The following FGFR3 variants were observed in gnomAD, a reference collection of about 807,000 sequenced individuals.
FGFR3 encodes FGFR-3.
FGFR3 carries 25 observed loss-of-function variants against 82.9 expected under a neutral mutation model. The observed-to-expected ratio is 0.30, with a 90% CI of 0.22 to 0.42. The LOEUF is 0.42. Ranked by LOEUF, FGFR3 falls within the 10% of genes least tolerant of loss-of-function variation. The pLI is 1.00. For missense variants in FGFR3, 1,026 were observed against 1,161.0 expected (o/e 0.88, Z 1.69); for synonymous variants, 620 against 516.0 (o/e 1.20, Z -2.73).
In FGFR3 at chr4:1,805,778, G is replaced by A. The variant is rs557734169; in HGVS notation, c.1674G>A (p.Ala558=). The change falls in exon 13 of 18, where the codon GCG becomes GCA. Residue 558 remains alanine, a synonymous_variant. Coordinates refer to ENST00000440486, the MANE Select transcript of FGFR3 (RefSeq NM_000142.5). ...CCCTGTACGTGCTGGTGGAGTACGCGGCCAAGGGTAACCTGCGGGAGTTTC... is the reference window on the plus strand; with the variant it reads ...CCCTGTACGTGCTGGTGGAGTACGCAGCCAAGGGTAACCTGCGGGAGTTTC... ...GGPLYVLVEY[A]AKGNLREFLR... 2.7e-5 allele frequency: 43 copies of A among 1,612,478 alleles called. No individual in the cohort carries two copies. The highest frequency in any genetic ancestry group is 7.7e-5 in the South Asian group (7 of 91,062).
intron 2 of FGFR3, 142 bp from the exon 3 acceptor site, chr4:1,799,112 G>A (rs1720877808): frequency 3.3e-6 from 4 of 1,196,042 alleles, no homozygotes; most frequent in Non-Finnish European, 4.9e-6. Context: ...TTGGGACACA[G>A]TTTCCAGCCC....
rs371563013 is a variant in FGFR3, at chr4:1,806,283, G to A, written c.1986G>A (p.Ala662=). The A allele has an allele frequency of 6.6e-5, 104 of 1,571,926 alleles. 1 individual carries two copies. Among genetic ancestry groups the A allele is most frequent in the Admixed American group, 8.8e-5 (5 of 57,010 alleles). The part of the protein sequence containing the change: ...TNGRLPVKWM[A]PEALFDRVYT... ...GCCGGCTGCCCGTGAAGTGGATGGCGCCTGAGGCCTTGTTTGACCGAGTCT... is the reference window on the plus strand; with the variant it reads ...GCCGGCTGCCCGTGAAGTGGATGGCACCTGAGGCCTTGTTTGACCGAGTCT... Residue 662 remains alanine (A), a synonymous_variant, in exon 15 of 18, where the codon GCG becomes GCA. Coordinates refer to ENST00000440486, the MANE Select transcript of FGFR3 (RefSeq NM_000142.5).
chr4:1,801,848 C>G lies in FGFR3; in HGVS notation c.753C>G (p.His251Gln), dbSNP rs377554120. The change falls in exon 7 of 18, where the codon CAC becomes CAG. Residue 251 changes from histidine to glutamine, a missense_variant. Around this residue, in one of 9 missense-constraint regions of FGFR3, gnomAD observed 147 missense variants for 228.1 expected, o/e 0.64. Coordinates refer to ENST00000440486, the MANE Select transcript of FGFR3 (RefSeq NM_000142.5). ...CTGCCCCCACAGAGCGCTCCCCGCA[C>G]CGGCCCATCCTGCAGGCGGGGCTGC... ...YTLDVLERSP[H>Q]RPILQAGLPA... is the part of the protein sequence containing the mutation. 7 of 1,607,612 alleles carry G rather than the reference C, an allele frequency of 4.4e-6. No homozygotes were observed. Among genetic ancestry groups the G allele is most frequent in the African/African-American group, 1.3e-5 (1 of 74,800 alleles).
At chr4:1,795,832 G>A (rs1720444914) in intron 2 of FGFR3, among the ~76,000 whole-genome samples, 1 of 152,150 alleles carries the variant, frequency 6.6e-6, no homozygotes, top group African/African-American at 2.4e-5. Flanking sequence ...CGAAGGTGCT[G>A]GCTGCAACCT....
rs1560441825 is a variant in FGFR3, at chr4:1,805,936, A to T, written c.1832A>T (p.Gln611Leu). The T allele has an allele frequency of 6.2e-7, 1 of 1,608,502 alleles. No individual in the cohort carries two copies. Among genetic ancestry groups the T allele is most frequent in the Non-Finnish European group, 8.5e-7 (1 of 1,176,436 alleles). Reference sequence around the variant, plus strand: ...CGGGGCATGGAGTACTTGGCCTCCCAGAAGGTGGGCAGGGCGGCAGGTGTG... The same window carrying T: ...CGGGGCATGGAGTACTTGGCCTCCCTGAAGGTGGGCAGGGCGGCAGGTGTG... ...VARGMEYLAS[Q>L]KCIHRDLAAR... The change falls in exon 13 of 18, where the codon CAG (glutamine) becomes CTG (leucine). Residue 611 changes from glutamine to leucine, a missense_variant. This residue lies in a region of FGFR3 where 164 missense variants were observed against 167.5 expected (regional missense o/e 0.98). Transcript: ENST00000440486.
intron 2 of FGFR3, among the ~76,000 whole-genome samples, chr4:1,799,003 C>T (rs1207175792): frequency 6.6e-6 from 1 of 152,202 alleles, no homozygotes; most frequent in Admixed American, 6.5e-5. Flanking sequence ...GTGGGGTTGG[C>T]TGCAGGTTGT....
intron 2 of FGFR3, among the ~76,000 whole-genome samples, chr4:1,796,786 C>T (rs113286641): frequency 3.9e-5 from 6 of 152,296 alleles, no homozygotes; most frequent in East Asian, 1.9e-4. Flanking sequence ...GGGCAGGGAG[C>T]GCCTCTCACC....
At chr4:1,803,290 A>G (rs1255292719) in intron 7 of FGFR3, 1 of 553,332 alleles carries the variant, frequency 1.8e-6, no homozygotes, top group East Asian at 3.8e-5. Context: ...CCCCCACAGG[A>G]GGTGCCCGGT....
chr4:1,797,564 G>A (rs922779771), intron 2 of FGFR3, among the ~76,000 whole-genome samples: 9 of 152,224 alleles, frequency 5.9e-5, no homozygotes, highest in Non-Finnish European at 1.2e-4. Context: ...GGAACCAACC[G>A]GCTGTTGCCC....
intron 2 of FGFR3, 72 bp downstream of exon 2, chr4:1,794,115 C>T: frequency 2.1e-6 from 2 of 956,020 alleles, no homozygotes; most frequent in African/African-American, 1.7e-5. Context: ...GGGAACCGGC[C>T]CCGGGTCGGA....
chr4:1,794,580 G>C (rs901949195), intron 2 of FGFR3, among the ~76,000 whole-genome samples: 3 of 152,160 alleles, frequency 2.0e-5, no homozygotes, highest in Non-Finnish European at 2.9e-5. Flanking sequence ...TGGGGGCCGA[G>C]GGCGCTTCCC....
rs561036658 is a variant in FGFR3 at position 1,806,764 on chromosome 4, C to G, written c.2169-65C>G. 8 of 1,594,142 alleles carry G rather than the reference C, an allele frequency of 5.0e-6. No individual in the cohort carries two copies. The South Asian group carries it at 7.9e-5, about 16-fold the overall frequency. On this transcript the variant is annotated intron_variant, in intron 16 of 17. Transcript: ENST00000440486. ...GCTGGGCGGGGGAGGGACTGGCAGC[C>G]CTTCAGGCTGTTCCCGAATAAGGCG... is the stretch of plus-strand genomic sequence containing the variant.
At chr4:1,796,998 G>C (rs1720591845) in intron 2 of FGFR3, among the ~76,000 whole-genome samples, 1 of 152,172 alleles carries the variant, frequency 6.6e-6, no homozygotes, top group South Asian at 2.1e-4. Context: ...CACTGTGTGG[G>C]GTTGGGGCGC....
intron 9 of FGFR3, 133 bp from the exon 10 acceptor site, chr4:1,804,691 A>C: frequency 7.0e-7 from 1 of 1,432,922 alleles, no homozygotes. Context: ...GGGGCACGAA[A>C]CATTCTAAAA....
intron 14 of FGFR3, 30 bp from the exon 15 acceptor site, chr4:1,806,227 C>T (rs1323898068): frequency 6.2e-6 from 10 of 1,612,704 alleles, no homozygotes; most frequent in South Asian, 2.2e-5. Flanking sequence ...GGACGCCTGG[C>T]GCCAACACCG....
At position 1,805,974 on chromosome 4, in the gene FGFR3, T is replaced by C. The variant is rs970829154; in HGVS notation, c.1836+34T>C. On this transcript the variant is annotated intron_variant, in intron 13 of 17. Transcript: ENST00000440486. ...GGCGGCAGGTGTGGGTGGAGTAGGC[T>C]GGGCCCTGCCCTGAGATGCTGGGAG... 4 of 1,609,740 alleles carry C rather than the reference T, an allele frequency of 2.5e-6. No individual in the cohort carries two copies. In the African/African-American group the frequency reaches 5.3e-5, roughly 22 times the overall value.
Position 1,804,494 on chromosome 4 carries a change from A to G in FGFR3, c.1240A>G (p.Ile414Val), listed in dbSNP as rs780428794. ...CCTGGGCTCCCCCACCGTGCACAAG[A>G]TCTCCCGCTTCCCGCTCAAGCGACA... ...KGLGSPTVHK[I>V]SRFPLKRQVS... is the part of the protein sequence containing the mutation. Residue 414 changes from isoleucine to valine, a missense_variant, in exon 9 of 18, where the codon ATC becomes GTC. Transcript: ENST00000440486. The G allele has an allele frequency of 1.9e-6, 3 of 1,612,712 alleles. No homozygotes were observed. Among genetic ancestry groups the G allele is most frequent in the South Asian group, 2.2e-5 (2 of 91,066 alleles).
intron 4 of FGFR3, 119 bp downstream of exon 4, chr4:1,799,931 C>G (rs748837975): frequency 5.9e-5 from 67 of 1,145,174 alleles, no homozygotes; most frequent in Middle Eastern, 2.6e-4. Flanking sequence ...TGGGGTCACC[C>G]CGAAGGTCTG....
intron 2 of FGFR3, among the ~76,000 whole-genome samples, chr4:1,795,573 G>T (rs1450994660): frequency 6.6e-6 from 1 of 152,236 alleles, no homozygotes; most frequent in Non-Finnish European, 1.5e-5. Flanking sequence ...TGAGGTCTAG[G>T]CTGGCGCTTG....
Sources: allele counts gnomAD v4.1 joint callset (sites outside exome capture counted in the v4.1 genomes callset), GRCh38; gene constraint gnomAD v4.1.1; regional missense constraint gnomAD v4.1.1; transcripts MANE v1.5; gene names NCBI Gene and HGNC (gene_info 2026-07-23, HGNC 2026-07-21).